Variants in KIF3A observed in about 807,000 individuals in gnomAD.
The protein encoded by KIF3A is kinesin-like protein KIF3A.
KIF3A carries 27 observed loss-of-function variants against 92.6 expected under a neutral mutation model. The observed-to-expected ratio is 0.29, with a 90% confidence interval of 0.21 to 0.40. KIF3A has a LOEUF of 0.40. Among genes scored for constraint, KIF3A ranks in the 10% least tolerant of loss-of-function variants. KIF3A has a pLI of 1.00. For synonymous variants in KIF3A, 250 were observed against 275.4 expected (o/e 0.91, Z 0.92); for missense variants, 581 against 872.6 (o/e 0.67, Z 4.21).
chr5:132,714,370 T>C (rs1753541001), intron 8 of KIF3A, among the ~76,000 whole-genome samples: 1 of 152,224 alleles, frequency 6.6e-6, no homozygotes, highest in African/African-American at 2.4e-5. Flanking sequence ...AATGTGAATG[T>C]AATGCCACAG....
chr5:132,724,810 T>A (rs868440369), intron 4 of KIF3A, among the ~76,000 whole-genome samples: 5,498 of 15,506 alleles, frequency 0.35, 823 homozygotes, highest in East Asian at 0.57. Flanking sequence ...AAAAAAAATA[T>A]ATATATATAT....
Position 132,702,682 on chromosome 5 carries a change from T to C in KIF3A, c.1648-14A>G, listed in dbSNP as rs772473388. On this transcript the variant is annotated splice_polypyrimidine_tract_variant and intron_variant, in intron 13 of 18. Coordinates refer to ENST00000403231, the MANE Select transcript of KIF3A (RefSeq NM_001300791.2). ...CAAGCGTTCTTGCTATGACAAAAAT[T>C]AGTAAACTTCAGAATAAATTTCTTT... 9.1e-6 allele frequency: 14 copies of C among 1,534,250 alleles called. No homozygotes were observed. In the East Asian group the frequency reaches 1.8e-4, roughly 20 times the overall value.
intron 18 of KIF3A, chr5:132,697,826 T>A (rs1490081064): frequency 6.6e-6 from 1 of 152,214 alleles, no homozygotes; most frequent in South Asian, 2.1e-4. Flanking sequence ...AGGAAGAGAA[T>A]AGCAGCCACT....
rs760704313 is a variant in KIF3A at position 132,703,484 on chromosome 5, T to A, written c.1445A>T (p.Glu482Val). 3.3e-5 allele frequency: 53 copies of A among 1,610,268 alleles called. No homozygotes were observed. Among genetic ancestry groups the A allele is most frequent in the Middle Eastern group, 1.6e-4 (1 of 6,068 alleles). ...TCACTGGGCTTTAAGAAGATCTTTT[T>A]CCCGTTTCTCTAATTCAGCTCTAGC... ...NKARAELEKR[E>V]KDLLKAQQEH... is the part of the protein sequence containing the mutation. The change falls in exon 12 of 19, where the codon GAA (glutamate) becomes GTA (valine). Residue 482 changes from glutamate (E) to valine (V), a missense_variant. This residue lies in a region of KIF3A where 167 missense variants were observed against 205.8 expected (regional missense o/e 0.81). Coordinates refer to ENST00000403231, the MANE Select transcript of KIF3A (RefSeq NM_001300791.2).
intron 11 of KIF3A, among the ~76,000 whole-genome samples, chr5:132,704,514 G>A (rs963901588): frequency 6.6e-6 from 1 of 151,884 alleles, no homozygotes; most frequent in Non-Finnish European, 1.5e-5. Flanking sequence ...CTCAAAGAAA[G>A]TTTATTAATG....
In KIF3A at chr5:132,726,416, T is replaced by C. The variant is rs758128669; in HGVS notation, c.363A>G (p.Gly121=). ...EGVRAIPELR[G]IIPNSFAHIF... ...TGTGAGCAAATGAATTGGGAATTAT[T>C]CCTCTAAGTTCAGGAATAGCTCGAA... is the stretch of plus-strand genomic sequence containing the variant. Residue 121 remains glycine (G), a synonymous_variant, in exon 3 of 19, where the codon GGA becomes GGG. Transcript: ENST00000403231. 1 of 1,613,790 alleles carries C rather than the reference T, an allele frequency of 6.2e-7. No individual in the cohort carries two copies. Among genetic ancestry groups the C allele is most frequent in the Non-Finnish European group, 8.5e-7 (1 of 1,179,736 alleles).
chr5:132,722,812 T>C (rs1753869593), intron 4 of KIF3A, among the ~76,000 whole-genome samples: 1 of 152,178 alleles, frequency 6.6e-6, no homozygotes, highest in Non-Finnish European at 1.5e-5. Flanking sequence ...ATCAAGGGGT[T>C]TAGATCAACA....
chr5:132,733,610 CA>C (rs1754305065), intron 2 of KIF3A, among the ~76,000 whole-genome samples: 3 of 152,016 alleles, frequency 2.0e-5, no homozygotes, highest in Non-Finnish European at 4.4e-5. Context: ...TTTACAAAAA[CA>C]AAAAAATGAG....
Position 132,694,751 on chromosome 5 carries a change from CAT to C in KIF3A, c.*1881_*1882del, listed in dbSNP as rs1476138087. The C allele has an allele frequency of 6.6e-6, 1 of 152,296 alleles. No homozygotes were observed. Among genetic ancestry groups the C allele is most frequent in the Non-Finnish European group, 1.5e-5 (1 of 68,030 alleles). 9.4% of individuals were successfully genotyped at this position (152,296 alleles called of 1,614,324 possible). ...GATCACACAAAGCTTTTACAAGACACATATTTACCTCAACTCTTCACAGTATC... is the reference window on the plus strand; with the variant it reads ...GATCACACAAAGCTTTTACAAGACACATTTACCTCAACTCTTCACAGTATC... On this transcript the variant is annotated 3_prime_UTR_variant, in exon 19 of 19. Coordinates refer to ENST00000403231, the MANE Select transcript of KIF3A (RefSeq NM_001300791.2).
Position 132,703,554 on chromosome 5 carries a change from C to CT in KIF3A, c.1374dup (p.Ala459SerfsTer3), listed in dbSNP as rs1561692880. The CT allele has an allele frequency of 6.2e-7, 1 of 1,612,132 alleles. No homozygotes were observed. On this transcript the variant is annotated frameshift_variant, in exon 12 of 19. Transcript: ENST00000403231. LOFTEE classifies it high-confidence loss of function. ...TCCATGTCGAGCTTTGTTTCAAGTG[C>CT]TTTTCTCTCCTCATCAATTTTTGCT...
intron 15 of KIF3A, 99 bp downstream of exon 15, chr5:132,701,988 A>G: frequency 4.8e-6 from 6 of 1,260,082 alleles, no homozygotes; most frequent in Non-Finnish European, 6.6e-6. Flanking sequence ...TGTACATTCA[A>G]TAACTGAAGT....
At chr5:132,701,076 G>A (rs981897510) in intron 15 of KIF3A, among the ~76,000 whole-genome samples, 2 of 150,438 alleles carry the variant, frequency 1.3e-5, no homozygotes, top group Middle Eastern at 6.9e-3. Context: ...GCCATCCAAG[G>A]ACCAATAAGG....
chr5:132,736,857 T>C, intron 1 of KIF3A: 1 of 410,030 alleles, frequency 2.4e-6, no homozygotes, highest in Non-Finnish European at 4.9e-6. Context: ...ATCTGTGAAA[T>C]CCTGGAAGAT....
chr5:132,736,741 T>C (rs1754401100), intron 1 of KIF3A: 1 of 461,768 alleles, frequency 2.2e-6, no homozygotes, highest in Non-Finnish European at 4.5e-6. Context: ...GATTAAATAA[T>C]TATCCGAGGC....
chr5:132,722,568 A>G (rs1753860375), intron 4 of KIF3A, among the ~76,000 whole-genome samples: 1 of 152,228 alleles, frequency 6.6e-6, no homozygotes, highest in Admixed American at 6.5e-5. Flanking sequence ...ATGTCCTACC[A>G]GATATTCACA....
At chr5:132,692,133 C>T (rs995742672), downstream of KIF3A, among the ~76,000 whole-genome samples, 8 of 152,044 alleles carry the variant, frequency 5.3e-5, no homozygotes, top group Admixed American at 2.6e-4. Context: ...ATGGATAGAG[C>T]TAGAGGCTAT....
Position 132,703,036 on chromosome 5 carries a change from A to C in KIF3A, c.1496T>G (p.Leu499Ter). Residue 499 changes from leucine to a stop codon, truncating the protein, a stop_gained, in exon 13 of 19, where the codon TTA becomes TGA. Transcript: ENST00000403231. LOFTEE classifies it high-confidence loss of function. ...QQEHQSLLEK[L>*]SALEKKVIVG... ...AATTACCTTCTTTTCCAGGGCAGAT[A>C]ATTTTTCCAGCAAAGACTGATGCTC... 1 of 1,612,150 alleles carries C rather than the reference A, an allele frequency of 6.2e-7. No individual in the cohort carries two copies. Among genetic ancestry groups the C allele is most frequent in the Non-Finnish European group, 8.5e-7 (1 of 1,179,476 alleles).
At position 132,716,881 on chromosome 5, in the gene KIF3A, A is replaced by G; in HGVS notation, c.720T>C (p.His240=). Residue 240 remains histidine, a synonymous_variant, in exon 6 of 19, where the codon CAT becomes CAC. Transcript: ENST00000403231. ...CSEKGIDGNM[H]VRMGKLHLVD... ...CAAGATGGAGCTTCCCCATCCTGAC[A>G]TGCATGTTACCATCAATGCCTTTTT... The G allele has an allele frequency of 3.1e-6, 5 of 1,614,086 alleles. No individual in the cohort carries two copies. The highest frequency in any genetic ancestry group is 1.3e-5 in the African/African-American group (1 of 75,060).
intron 18 of KIF3A, among the ~76,000 whole-genome samples, 174 bp from the exon 19 acceptor site, chr5:132,696,856 G>A (rs886522206): frequency 1.4e-4 from 21 of 152,322 alleles, no homozygotes; most frequent in African/African-American, 5.1e-4. Context: ...CAGGCTACGG[G>A]AAGCTAACTT....
Sources: allele counts gnomAD v4.1 joint callset (sites outside exome capture counted in the v4.1 genomes callset), GRCh38; gene constraint gnomAD v4.1.1; regional missense constraint gnomAD v4.1.1; transcripts MANE v1.5; gene names NCBI Gene and HGNC (gene_info 2026-07-23, HGNC 2026-07-21).